The following URB1 variants were observed in gnomAD, a reference collection of about 807,000 sequenced individuals.
URB1 encodes nucleolar pre-ribosomal-associated protein 1.
Under a neutral mutation model 242.3 loss-of-function variants are expected in URB1, and 197 were observed. The ratio of observed to expected loss-of-function variants is 0.81; its 90% CI spans 0.72 to 0.91. The LOEUF is 0.91. URB1 is among the 40% of genes least tolerant of loss of function. The pLI is 0.00. For missense variants in URB1, 2,721 were observed against 2,860.5 expected, an observed-to-expected ratio of 0.95 and a Z score of 1.11; for synonymous variants, 1,153 against 1,201.8, an observed-to-expected ratio of 0.96 and a Z score of 0.84.
In URB1 at chr21:32,325,253, G is replaced by A. The variant is rs958843661; in HGVS notation, c.5097C>T (p.Gly1699=). ...VLAAYYSHLE[G]ARFQEQSQLL... Reference sequence around the variant, plus strand: ...CCTGGGACTGCTCTTGGAACCGTGCGCCCTCCAAGTGCGAGTAGTAGGCCG... The same window carrying A: ...CCTGGGACTGCTCTTGGAACCGTGCACCCTCCAAGTGCGAGTAGTAGGCCG... Residue 1699 remains glycine, a synonymous_variant, in exon 31 of 39, where the codon GGC becomes GGT. Transcript: ENST00000382751. 9.5e-5 allele frequency: 148 copies of A among 1,551,508 alleles called. No individual in the cohort carries two copies. In the Admixed American group the frequency reaches 2.3e-3, roughly 24 times the overall value.
chr21:32,358,022 T>C (rs543121854), intron 14 of URB1, among the ~76,000 whole-genome samples: 24 of 152,248 alleles, frequency 1.6e-4, no homozygotes, highest in Non-Finnish European at 2.9e-4. Flanking sequence ...GAGTGAGACT[T>C]CATCTCCAAA....
At position 32,369,975 on chromosome 21, in the gene URB1, C is replaced by CA. The variant is rs34377037; in HGVS notation, c.1002-1378dup. ...TGAACAACAGAGCGAGTCTCCATCT[C>CA]AAAAAAAAAAAAAAAAAAAAAGTAA... On this transcript the variant is annotated intron_variant, in intron 8 of 38. Coordinates refer to ENST00000382751, the MANE Select transcript of URB1 (RefSeq NM_014825.3). Among the ~76,000 whole-genome samples the CA allele has an allele frequency of 4.8e-3, 429 of 88,480 alleles. 3 individuals are homozygous for CA. Among genetic ancestry groups the CA allele is most frequent in the African/African-American group, 0.014 (354 of 25,150 alleles). The allele number at this position is 88,480 out of a possible 152,430, so 58.0% of individuals were successfully genotyped here. A position where few individuals can be genotyped will look rare whatever the true frequency, so the allele number is the denominator to read the frequency against.
At chr21:32,360,011 A>G in intron 13 of URB1, 103 bp from the exon 14 acceptor site, 1 of 1,031,872 alleles carries the variant, frequency 9.7e-7, no homozygotes, top group Non-Finnish European at 1.4e-6. Context: ...TGGAGAAAGA[A>G]AAAGGGTGGA....
chr21:32,355,370 CA>C, intron 16 of URB1, 78 bp downstream of exon 16: 1 of 1,343,724 alleles, frequency 7.4e-7, no homozygotes, highest in Non-Finnish European at 1.0e-6. Flanking sequence ...GCTGGTGCAT[CA>C]AAAATGCCTC....
intron 36 of URB1, among the ~76,000 whole-genome samples, chr21:32,318,356 A>T (rs2032719055): frequency 6.6e-6 from 1 of 152,162 alleles, no homozygotes; most frequent in Non-Finnish European, 1.5e-5. Flanking sequence ...CAGGAGGAAA[A>T]AGATCTCCCT....
intron 30 of URB1, among the ~76,000 whole-genome samples, chr21:32,325,894 A>T (rs1213994289): frequency 6.6e-6 from 1 of 152,008 alleles, no homozygotes; most frequent in African/African-American, 2.4e-5. Context: ...ACTCACACCC[A>T]CTCTGCAACC....
At chr21:32,370,369 T>C (rs1488103941) in intron 8 of URB1, among the ~76,000 whole-genome samples, 2 of 152,186 alleles carry the variant, frequency 1.3e-5, no homozygotes, top group Non-Finnish European at 2.9e-5. Context: ...AAAATATCCT[T>C]TCCTAATATG....
chr21:32,349,478 GC>G lies in URB1; in HGVS notation c.2837del (p.Gly946AlafsTer96), dbSNP rs776615997. The G allele has an allele frequency of 6.5e-7, 1 of 1,546,498 alleles. No individual in the cohort carries two copies. The highest frequency in any genetic ancestry group is 2.4e-5 in the East Asian group (1 of 40,822). On this transcript the variant is annotated frameshift_variant, in exon 21 of 39. Transcript: ENST00000382751. LOFTEE classifies it high-confidence loss of function. ...GCAGGAGGGGCGGGCCCACACTTCT[GC>G]CCAGCTGTGAGGACAAGAGCACGAG... ...RSTVENFGQLGRSVGPPLLQL... is the reference protein window; with the variant it reads ...RSTVENFGQLXRSVGPPLLQL...
At chr21:32,380,678 A>G (rs2033512950) in intron 4 of URB1, among the ~76,000 whole-genome samples, 1 of 105,718 alleles carries the variant, frequency 9.5e-6, no homozygotes, top group South Asian at 2.9e-4. Context: ...CATACCATCT[A>G]ATTCAAGCAG....
chr21:32,359,967 T>C (rs998860009), intron 13 of URB1, 59 bp from the exon 14 acceptor site: 19 of 1,467,094 alleles, frequency 1.3e-5, no homozygotes, highest in Admixed American at 4.2e-5. Context: ...GCCCAACAAT[T>C]GCTGCCCTGG....
intron 30 of URB1, among the ~76,000 whole-genome samples, chr21:32,332,384 T>C (rs553210716): frequency 2.7e-5 from 4 of 150,442 alleles, no homozygotes; most frequent in East Asian, 3.9e-4. Flanking sequence ...AAGCTACGGA[T>C]TGTTAGATAT....
chr21:32,377,200 A>G, intron 5 of URB1: 1 of 518,980 alleles, frequency 1.9e-6, no homozygotes, highest in Non-Finnish European at 3.8e-6. Flanking sequence ...TGTGCAACCC[A>G]CTTCAGTGCC....
At chr21:32,327,769 T>C (rs1249890227) in intron 30 of URB1, among the ~76,000 whole-genome samples, 1 of 152,216 alleles carries the variant, frequency 6.6e-6, no homozygotes, top group African/African-American at 2.4e-5. Context: ...AAGGTCCTTA[T>C]ACTATACATG....
intron 26 of URB1, 70 bp from the exon 27 acceptor site, chr21:32,337,584 G>T: frequency 1.5e-6 from 2 of 1,304,108 alleles, no homozygotes; most frequent in Non-Finnish European, 2.1e-6. Flanking sequence ...AGAGGAGAGA[G>T]CCTTCCAGGC....
Position 32,352,859 on chromosome 21 carries a change from G to A in URB1, c.2464C>T (p.His822Tyr). ...AGAGCCAGGGGGTCCCTCTGGGTGT[G>A]GAGGAGGTCAGTCAGCACTGCCGTC... ...YLTAVLTDLL[H>Y]TQRDPLALCL... Residue 822 changes from histidine to tyrosine, a missense_variant, in exon 19 of 39, where the codon CAC becomes TAC. By Grantham distance (83) the His-to-Tyr change is moderately conservative. Transcript: ENST00000382751. The A allele has an allele frequency of 6.4e-7, 1 of 1,551,596 alleles. No homozygotes were observed. The highest frequency in any genetic ancestry group is 8.7e-7 in the Non-Finnish European group (1 of 1,146,960).
chr21:32,340,422 CCCA>C (rs975296199), intron 25 of URB1, among the ~76,000 whole-genome samples: 3 of 151,932 alleles, frequency 2.0e-5, no homozygotes, highest in African/African-American at 7.3e-5. Flanking sequence ...GACCAGCCTG[CCCA>C]ACATGGTGAA....
chr21:32,334,133 T>G (rs767252366), intron 29 of URB1, 30 bp downstream of exon 29: 1 of 1,502,218 alleles, frequency 6.7e-7, no homozygotes, highest in Non-Finnish European at 9.0e-7. Context: ...GGTGAAGGGG[T>G]GGGTAGGGAC....
chr21:32,312,140 T>C lies in URB1; in HGVS notation c.*2778A>G. On this transcript the variant is annotated 3_prime_UTR_variant, in exon 39 of 39. Transcript: ENST00000382751. ...GTGCAACTAGAGCAGGAGCATCCTA[T>C]GCCTTTGACAAAGATTGCAGTGGCC... 6.5e-7 allele frequency: 1 copy of C among 1,536,878 alleles called. No homozygotes were observed. The highest frequency in any genetic ancestry group is 1.2e-5 in the South Asian group (1 of 83,968).
In URB1 at chr21:32,350,902, G is replaced by A; in HGVS notation, c.2634C>T (p.Ser878=). ...CCAAGGGAAGGGCAGGGGGCGAGGG[G>A]CTGCCCTGTGCCTGCAGCAGCTGAG... ...REAWLLQAQG[S]PSPPALPLAS... Residue 878 remains serine (S), a synonymous_variant, in exon 20 of 39, where the codon AGC becomes AGT. Transcript: ENST00000382751. 2 of 1,547,414 alleles carry A rather than the reference G, an allele frequency of 1.3e-6. No individual in the cohort carries two copies. Among genetic ancestry groups the A allele is most frequent in the Non-Finnish European group, 1.7e-6 (2 of 1,146,750 alleles).
Sources: allele counts gnomAD v4.1 joint callset (sites outside exome capture counted in the v4.1 genomes callset), GRCh38; gene constraint gnomAD v4.1.1; transcripts MANE v1.5; gene names NCBI Gene and HGNC (gene_info 2026-07-23, HGNC 2026-07-21).